Variants in ANO3 observed in about 807,000 individuals in gnomAD.
ANO3 encodes the protein anoctamin 3, also known as anoctamin-3.
In ANO3, 99 loss-of-function variants were observed where a neutral mutation model predicts 144.8. That is an observed-to-expected ratio of 0.68 (90% CI 0.58 to 0.81). ANO3 has a LOEUF of 0.81. Ranked by LOEUF, ANO3 falls within the 30% of genes least tolerant of loss-of-function variation. The pLI is 0.00. For synonymous variants in ANO3, 414 were observed against 392.6 expected (o/e 1.05, Z -0.64); for missense variants, 905 against 1,202.2 (o/e 0.75, Z 3.66).
At chr11:26,294,814 C>A (rs1854048377) in intron 1 of ANO3, among the ~76,000 whole-genome samples, 2 of 152,226 alleles carry the variant, frequency 1.3e-5, no homozygotes, top group Admixed American at 1.3e-4. Context: ...ATCAACATAT[C>A]TGCGGCAATG....
At chr11:26,635,497 T>C (rs1183813915) in intron 20 of ANO3, among the ~76,000 whole-genome samples, 1 of 152,172 alleles carries the variant, frequency 6.6e-6, no homozygotes, top group Non-Finnish European at 1.5e-5. Context: ...ATTTACAATA[T>C]GTATGTTATA....
intron 15 of ANO3, 92 bp downstream of exon 15, chr11:26,598,539 C>A: frequency 2.3e-6 from 2 of 883,598 alleles, no homozygotes; most frequent in Non-Finnish European, 1.8e-6. Flanking sequence ...AAGCAGTTAA[C>A]CACCATTAGA....
At chr11:26,374,654 C>G (rs1442743001) in intron 1 of ANO3, among the ~76,000 whole-genome samples, 1 of 152,198 alleles carries the variant, frequency 6.6e-6, no homozygotes, top group Non-Finnish European at 1.5e-5. Flanking sequence ...AGGCAGCTAT[C>G]TCCAGCCTTG....
At chr11:26,235,510 A>G (rs1457590200) in intron 1 of ANO3, among the ~76,000 whole-genome samples, 2 of 151,894 alleles carry the variant, frequency 1.3e-5, no homozygotes, top group East Asian at 3.9e-4. Flanking sequence ...TTATATGTTT[A>G]CTTATTTACT....
At chr11:26,315,470 C>T (rs1232507420) in intron 1 of ANO3, among the ~76,000 whole-genome samples, 2 of 152,080 alleles carry the variant, frequency 1.3e-5, no homozygotes, top group South Asian at 2.1e-4. Context: ...CATGCTATCC[C>T]TTGGGGAAGA....
intron 1 of ANO3, among the ~76,000 whole-genome samples, chr11:26,352,492 T>G (rs1404167296): frequency 6.6e-6 from 1 of 152,222 alleles, no homozygotes; most frequent in African/African-American, 2.4e-5. Flanking sequence ...ATTTACTCCC[T>G]CTCTTCCCCT....
intron 1 of ANO3, among the ~76,000 whole-genome samples, chr11:26,383,888 CTTTTT>C (rs61094091): frequency 1.1e-4 from 8 of 70,172 alleles, no homozygotes; most frequent in East Asian, 5.6e-4. Context: ...ATGCATTGTT[CTTTTT>C]TTTTTTTTTT....
upstream of ANO3, among the ~76,000 whole-genome samples, chr11:26,327,567 G>C (rs954547660): frequency 6.6e-6 from 1 of 152,166 alleles, no homozygotes. Flanking sequence ...AGGATTAAAA[G>C]AGTTTGTAAA....
intron 23 of ANO3, 120 bp from the exon 24 acceptor site, chr11:26,647,589 C>A (rs1237920214): frequency 1.2e-6 from 1 of 840,206 alleles, no homozygotes; most frequent in Non-Finnish European, 1.8e-6. Context: ...AATAAGAAAG[C>A]ACATAGTGGA....
At chr11:26,452,761 C>T (rs374400722) in intron 3 of ANO3, among the ~76,000 whole-genome samples, 7 of 147,244 alleles carry the variant, frequency 4.8e-5, no homozygotes, top group South Asian at 4.4e-4. Flanking sequence ...GAAGAGCAAC[C>T]CCAAGACACA....
At chr11:26,565,984 C>G in intron 14 of ANO3, 1 of 1,258,824 alleles carries the variant, frequency 7.9e-7, no homozygotes, top group Non-Finnish European at 1.1e-6. Context: ...TGATAAAAAT[C>G]TAGACATAAT....
chr11:26,634,080 CAA>C (rs10631901), intron 18 of ANO3, 122 bp from the exon 19 acceptor site: 856 of 357,712 alleles, frequency 2.4e-3, no homozygotes, highest in Admixed American at 5.4e-3. Flanking sequence ...ACTCCATTTC[CAA>C]AAAAAAAAAA....
chr11:26,654,621 C>T (rs1853628206), intron 24 of ANO3, among the ~76,000 whole-genome samples: 2 of 151,888 alleles, frequency 1.3e-5, no homozygotes, highest in Admixed American at 1.3e-4. Context: ...CTTGTGTAGG[C>T]AATGTTGAAT....
At chr11:26,447,618 A>G (rs1488699214) in intron 3 of ANO3, among the ~76,000 whole-genome samples, 1 of 152,208 alleles carries the variant, frequency 6.6e-6, no homozygotes, top group African/African-American at 2.4e-5. Context: ...GTTAAAATAT[A>G]TTTGGGTAAT....
intron 1 of ANO3, among the ~76,000 whole-genome samples, chr11:26,396,444 G>C (rs1397593482): frequency 6.6e-6 from 1 of 152,084 alleles, no homozygotes; most frequent in African/African-American, 2.4e-5. Context: ...CCATTACTGG[G>C]TATATACATA....
chr11:26,540,205 A>T (rs990979166), intron 10 of ANO3, among the ~76,000 whole-genome samples: 1 of 152,152 alleles, frequency 6.6e-6, no homozygotes, highest in East Asian at 1.9e-4. Flanking sequence ...TATCTGAAAT[A>T]AATTTTAAAG....
chr11:26,341,522 C>T (rs533065912), intron 1 of ANO3, among the ~76,000 whole-genome samples: 39 of 152,128 alleles, frequency 2.6e-4, no homozygotes, highest in Non-Finnish European at 4.4e-4. Context: ...GCTTATAAAC[C>T]ATTTAATAAA....
chr11:26,568,472 GTT>G (rs35237782), intron 14 of ANO3, among the ~76,000 whole-genome samples: 12 of 150,404 alleles, frequency 8.0e-5, no homozygotes, highest in Non-Finnish European at 7.4e-5. Flanking sequence ...TCCTACCATA[GTT>G]TTTTTTTTTA....
intron 13 of ANO3, among the ~76,000 whole-genome samples, chr11:26,557,991 T>A (rs182188070): frequency 6.6e-6 from 1 of 152,198 alleles, no homozygotes; most frequent in Non-Finnish European, 1.5e-5. Flanking sequence ...CTAATGCTCC[T>A]TCTAGCTTTA....
Sources: gnomAD v4.1 joint callset for allele counts (sites outside exome capture counted in the v4.1 genomes callset) on GRCh38, gnomAD v4.1.1 for gene constraint, MANE v1.5 for transcripts, NCBI Gene and HGNC (gene_info 2026-07-23, HGNC 2026-07-21) for gene names.